Variants in IMMP2L observed in about 807,000 individuals in gnomAD.
The protein encoded by IMMP2L is inner mitochondrial membrane peptidase subunit 2, also known as mitochondrial inner membrane protease subunit 2.
A neutral mutation model predicts 19.3 loss-of-function variants in IMMP2L; 18 were observed. The observed-to-expected ratio is 0.93, with a 90% CI of 0.64 to 1.38. The LOEUF is 1.38. Among genes scored for constraint, IMMP2L ranks in the 40% most tolerant of loss-of-function variants. The pLI, the probability that IMMP2L is intolerant of heterozygous loss-of-function variation, is 0.00. For missense variants in IMMP2L, 233 were observed against 218.2 expected (o/e 1.07, Z -0.43); for synonymous variants, 76 against 73.0 (o/e 1.04, Z -0.21).
At chr7:111,384,983 A>T (rs1831588396) in intron 3 of IMMP2L, among the ~76,000 whole-genome samples, 1 of 152,158 alleles carries the variant, frequency 6.6e-6, no homozygotes, top group Admixed American at 6.5e-5. Flanking sequence ...TTTTAGAAAA[A>T]TTAGGTGGGT....
intron 3 of IMMP2L, among the ~76,000 whole-genome samples, chr7:111,009,033 C>T (rs1824622330): frequency 6.6e-6 from 1 of 152,040 alleles, no homozygotes; most frequent in Admixed American, 6.6e-5. Flanking sequence ...GTCCACAGGT[C>T]ACAGTCAGTA....
chr7:111,560,393 C>T (rs1182702669), intron 1 of IMMP2L, among the ~76,000 whole-genome samples: 1 of 152,128 alleles, frequency 6.6e-6, no homozygotes, highest in Non-Finnish European at 1.5e-5. Flanking sequence ...TTTACACTCT[C>T]CATGATTCCT....
intron 3 of IMMP2L, among the ~76,000 whole-genome samples, chr7:111,311,713 C>T (rs915368907): frequency 6.6e-6 from 1 of 152,092 alleles, no homozygotes; most frequent in African/African-American, 2.4e-5. Context: ...GAGTTTTCTG[C>T]TCACGACATC....
chr7:111,269,650 T>TTTA (rs1554421186), intron 3 of IMMP2L, among the ~76,000 whole-genome samples: 4 of 151,042 alleles, frequency 2.6e-5, no homozygotes, highest in African/African-American at 9.7e-5. Context: ...CAGTTTTTTT[T>TTTA]AAAAAAAAAC....
intron 3 of IMMP2L, among the ~76,000 whole-genome samples, chr7:111,386,203 T>G (rs1831737042): frequency 6.6e-6 from 1 of 152,112 alleles, no homozygotes; most frequent in Non-Finnish European, 1.5e-5. Context: ...ATAAATAACC[T>G]GATATAATAA....
intron 5 of IMMP2L, among the ~76,000 whole-genome samples, chr7:110,763,499 T>G (rs1202477588): frequency 6.6e-6 from 1 of 152,066 alleles, no homozygotes; most frequent in East Asian, 1.9e-4. Flanking sequence ...ACACAACAAA[T>G]TAAATGTTTC....
chr7:111,389,210 G>A (rs1284043251), intron 3 of IMMP2L, among the ~76,000 whole-genome samples: 1 of 152,004 alleles, frequency 6.6e-6, no homozygotes, highest in Non-Finnish European at 1.5e-5. Context: ...CCCAAGTAGA[G>A]AAACAAAACA....
At chr7:111,249,098 T>C (rs1228978683) in intron 3 of IMMP2L, among the ~76,000 whole-genome samples, 1 of 64,354 alleles carries the variant, frequency 1.6e-5, no homozygotes, top group Non-Finnish European at 2.9e-5. Context: ...GCCTGGGCAA[T>C]GGCGGGTGCC....
intron 3 of IMMP2L, among the ~76,000 whole-genome samples, chr7:111,050,578 G>C (rs1792912457): frequency 6.6e-6 from 1 of 152,172 alleles, no homozygotes; most frequent in Non-Finnish European, 1.5e-5. Context: ...TTGCCTGGCA[G>C]ATTGACAGTC....
chr7:110,665,203 G>A (rs1791359192), intron 5 of IMMP2L, among the ~76,000 whole-genome samples: 1 of 151,958 alleles, frequency 6.6e-6, no homozygotes, highest in South Asian at 2.1e-4. Context: ...TTGAAAGTGT[G>A]GTACAAAAAA....
In IMMP2L at chr7:111,480,281, C is replaced by G. The variant is rs1842067695; in HGVS notation, c.239+6957G>C. Among the ~76,000 whole-genome samples the G allele has an allele frequency of 1.3e-5, 2 of 151,766 alleles. 1 individual carries two copies. Among genetic ancestry groups the G allele is most frequent in the South Asian group, 4.2e-4 (2 of 4,804 alleles). On this transcript the variant is annotated intron_variant, in intron 3 of 5. Coordinates refer to ENST00000405709, the MANE Select transcript of IMMP2L (RefSeq NM_032549.4). ...TGTATTTTTAGTAGAGATGGGGTTT[C>G]ACCGTAGCCAGGATGGTCTCCATCT... is the stretch of plus-strand genomic sequence containing the variant.
At chr7:111,541,450 G>A (rs559333467) in intron 1 of IMMP2L, among the ~76,000 whole-genome samples, 1 of 152,284 alleles carries the variant, frequency 6.6e-6, no homozygotes, top group Non-Finnish European at 1.5e-5. Flanking sequence ...GCAAAGATAA[G>A]TTATGGCTCC....
At chr7:110,835,877 T>A (rs1428381389) in intron 5 of IMMP2L, among the ~76,000 whole-genome samples, 5 of 152,132 alleles carry the variant, frequency 3.3e-5, no homozygotes, top group African/African-American at 1.2e-4. Flanking sequence ...GGGCAGAAAA[T>A]TTTTGACCCA....
At chr7:110,774,499 T>C (rs1799247163) in intron 5 of IMMP2L, among the ~76,000 whole-genome samples, 1 of 152,122 alleles carries the variant, frequency 6.6e-6, no homozygotes, top group South Asian at 2.1e-4. Flanking sequence ...TGAAATAATA[T>C]AAATCTGTTT....
chr7:111,342,833 C>A (rs938819318), intron 3 of IMMP2L, among the ~76,000 whole-genome samples: 2 of 151,970 alleles, frequency 1.3e-5, no homozygotes, highest in Admixed American at 1.3e-4. Context: ...TTCAAAGATA[C>A]ACGAATCTCT....
intron 3 of IMMP2L, among the ~76,000 whole-genome samples, chr7:111,207,521 C>T (rs377059521): frequency 5.1e-5 from 7 of 137,380 alleles, no homozygotes; most frequent in African/African-American, 8.0e-5. Context: ...CTTTCTTTTT[C>T]GTTTTATTTT....
At chr7:110,665,987 TA>T (rs35071661) in intron 5 of IMMP2L, among the ~76,000 whole-genome samples, 1 of 151,268 alleles carries the variant, frequency 6.6e-6, no homozygotes, top group East Asian at 1.9e-4. Flanking sequence ...ATTGTTCTCT[TA>T]AAAAAAAAGT....
chr7:111,508,111 A>G (rs1221975192), intron 2 of IMMP2L, among the ~76,000 whole-genome samples: 1 of 152,146 alleles, frequency 6.6e-6, no homozygotes. Flanking sequence ...TCAGCTGACA[A>G]TCTTGTGACT....
At chr7:111,461,054 T>C (rs1462124369) in intron 3 of IMMP2L, among the ~76,000 whole-genome samples, 1 of 152,144 alleles carries the variant, frequency 6.6e-6, no homozygotes, top group Non-Finnish European at 1.5e-5. Context: ...ACTTTAGGTA[T>C]GGTATTCCAT....
Sources: allele counts gnomAD v4.1 joint callset (sites outside exome capture counted in the v4.1 genomes callset), GRCh38; gene constraint gnomAD v4.1.1; transcripts MANE v1.5; gene names NCBI Gene and HGNC (gene_info 2026-07-23, HGNC 2026-07-21).